GALNTL6: variants seen among roughly 807,000 people sequenced by gnomAD.
The protein encoded by GALNTL6 is polypeptide N-acetylgalactosaminyltransferase like 6, also known as polypeptide N-acetylgalactosaminyltransferase-like 6.
Under a neutral mutation model 73.7 loss-of-function variants are expected in GALNTL6, and 46 were observed. That is an observed-to-expected ratio of 0.62 (90% CI 0.49 to 0.80). GALNTL6 has a LOEUF of 0.80. Among genes scored for constraint, GALNTL6 ranks in the 30% least tolerant of loss-of-function variants. The pLI, the probability that GALNTL6 is intolerant of heterozygous loss-of-function variation, is 0.00. For synonymous variants in GALNTL6, 259 were observed against 263.7 expected (o/e 0.98, Z 0.17); for missense variants, 604 against 755.0 (o/e 0.80, Z 2.34).
In GALNTL6 at chr4:172,906,104, C is replaced by G. The variant is rs144687322; in HGVS notation, c.1041+23197C>G. 3.9e-3 allele frequency among the ~76,000 whole-genome samples: 600 copies of G among 152,182 alleles called. 5 individuals carry two copies. The highest frequency in any genetic ancestry group is 0.014 in the African/African-American group (566 of 41,536). On this transcript the variant is annotated intron_variant, in intron 8 of 12. Coordinates refer to ENST00000506823, the MANE Select transcript of GALNTL6 (RefSeq NM_001034845.3). ...ATGAGCTTGCTGGTGGCCAGAACTT[C>G]CCCTGGATGAGTTTGGCACAAAGGA...
intron 2 of GALNTL6, among the ~76,000 whole-genome samples, chr4:172,151,345 C>T (rs552840660): frequency 3.9e-5 from 6 of 151,998 alleles, no homozygotes; most frequent in Admixed American, 6.6e-5. Context: ...GATTTTTTTC[C>T]GTGATGGCAG....
chr4:172,661,305 C>T (rs1405876615), intron 5 of GALNTL6, among the ~76,000 whole-genome samples: 1 of 152,184 alleles, frequency 6.6e-6, no homozygotes, highest in Non-Finnish European at 1.5e-5. Flanking sequence ...CTGCAACTCA[C>T]CCCTGGGTCT....
chr4:172,905,602 C>G (rs1288233467), intron 8 of GALNTL6, among the ~76,000 whole-genome samples: 2 of 151,888 alleles, frequency 1.3e-5, no homozygotes, highest in African/African-American at 4.8e-5. Context: ...CAGAACTTCT[C>G]AAGAACAACA....
At chr4:172,200,723 A>G (rs1464767026) in intron 2 of GALNTL6, among the ~76,000 whole-genome samples, 1 of 152,252 alleles carries the variant, frequency 6.6e-6, no homozygotes, top group Non-Finnish European at 1.5e-5. Context: ...TTGTTTAGCC[A>G]GTGAACCATA....
intron 3 of GALNTL6, among the ~76,000 whole-genome samples, chr4:172,264,574 A>G (rs1380300615): frequency 8.6e-6 from 1 of 116,524 alleles, no homozygotes; most frequent in African/African-American, 3.8e-5. Context: ...ATATATATAT[A>G]TATATATATA....
At chr4:172,481,798 C>G (rs185439770) in intron 5 of GALNTL6, among the ~76,000 whole-genome samples, 1 of 152,344 alleles carries the variant, frequency 6.6e-6, no homozygotes, top group East Asian at 1.9e-4. Context: ...CAAGTCCCCA[C>G]CCAACTCAGG....
At chr4:172,265,796 T>C (rs1428852956) in intron 3 of GALNTL6, among the ~76,000 whole-genome samples, 1 of 152,096 alleles carries the variant, frequency 6.6e-6, no homozygotes, top group Non-Finnish European at 1.5e-5. Flanking sequence ...AACTATTATA[T>C]AGATTAATCA....
At chr4:172,320,504 T>G (rs1308031072) in intron 4 of GALNTL6, among the ~76,000 whole-genome samples, 2 of 152,058 alleles carry the variant, frequency 1.3e-5, no homozygotes, top group Non-Finnish European at 2.9e-5. Flanking sequence ...GAGATTGTGG[T>G]GAAAAGTAAT....
chr4:172,402,066 G>T (rs1744063114), intron 5 of GALNTL6, among the ~76,000 whole-genome samples: 1 of 151,810 alleles, frequency 6.6e-6, no homozygotes, highest in Admixed American at 6.6e-5. Flanking sequence ...TTCTTACTTA[G>T]TTTAATAAAA....
intron 2 of GALNTL6, among the ~76,000 whole-genome samples, chr4:172,206,991 G>C (rs972360777): frequency 4.6e-5 from 7 of 151,058 alleles, no homozygotes; most frequent in African/African-American, 1.7e-4. Context: ...CTAGTTTTTT[G>C]TATTTTTAGT....
rs553856136 is a variant in GALNTL6, at chr4:172,763,808, G to T, written c.554-45553G>T. On this transcript the variant is annotated intron_variant, in intron 5 of 12. Coordinates refer to ENST00000506823, the MANE Select transcript of GALNTL6 (RefSeq NM_001034845.3). ...TTTCATGTAGCCCTAGAATAAAAAT[G>T]AAGACCTAAGAATCGTGATCAATAC... Among the ~76,000 whole-genome samples the T allele has an allele frequency of 3.3e-5, 5 of 152,144 alleles. No homozygotes were observed. The South Asian group carries it at 1.0e-3, about 31-fold the overall frequency.
chr4:172,317,488 C>T (rs1406235297), intron 4 of GALNTL6, among the ~76,000 whole-genome samples: 1 of 151,896 alleles, frequency 6.6e-6, no homozygotes, highest in Non-Finnish European at 1.5e-5. Context: ...TTTTATTTTC[C>T]AGTTATATCA....
intron 5 of GALNTL6, among the ~76,000 whole-genome samples, chr4:172,474,903 A>T (rs1204425054): frequency 6.6e-6 from 1 of 152,208 alleles, no homozygotes; most frequent in Non-Finnish European, 1.5e-5. Flanking sequence ...TGCAAAACTT[A>T]TTGCCTCTAC....
intron 5 of GALNTL6, among the ~76,000 whole-genome samples, chr4:172,528,504 C>T (rs1445868765): frequency 6.6e-6 from 1 of 151,042 alleles, no homozygotes; most frequent in Non-Finnish European, 1.5e-5. Context: ...ACTACAGGCA[C>T]CTGCCACCAC....
chr4:172,624,860 C>G (rs1016884819), intron 5 of GALNTL6, among the ~76,000 whole-genome samples: 2 of 150,712 alleles, frequency 1.3e-5, no homozygotes, highest in African/African-American at 4.9e-5. Flanking sequence ...CAGTTTGTAA[C>G]CTGGGTATAT....
At position 171,928,581 on chromosome 4, in the gene GALNTL6, T is replaced by C. The variant is rs116562756; in HGVS notation, c.138+113863T>C. On this transcript the variant is annotated intron_variant, in intron 2 of 12. Coordinates refer to ENST00000506823, the MANE Select transcript of GALNTL6 (RefSeq NM_001034845.3). ...TCCCATATCCTGTTAACTTTCTCTT[T>C]CATATTTAAATTGTACAAAGGAAGT... Among the ~76,000 whole-genome samples the C allele has an allele frequency of 4.3e-3, 653 of 152,362 alleles. 9 individuals carry two copies. The highest frequency in any genetic ancestry group is 0.015 in the African/African-American group (621 of 41,580).
rs182512779 is a variant in GALNTL6 at position 172,669,435 on chromosome 4, C to T, written c.554-139926C>T. Among the ~76,000 whole-genome samples, 813 of 152,256 alleles carry T rather than the reference C, an allele frequency of 5.3e-3. 8 individuals carry two copies. The highest frequency in any genetic ancestry group is 0.018 in the African/African-American group (760 of 41,546). The stretch of plus-strand genomic sequence containing the variant: ...GAGGGCTCACTAGAATGGATTGGCC[C>T]TCCAATGACCCCAACAGTAGATGTT... On this transcript the variant is annotated intron_variant, in intron 5 of 12. Transcript: ENST00000506823.
chr4:172,951,239 T>G (rs542799288), intron 9 of GALNTL6, among the ~76,000 whole-genome samples: 78 of 152,354 alleles, frequency 5.1e-4, no homozygotes, highest in Non-Finnish European at 1.1e-3. Context: ...ACCCCCGTGA[T>G]GCAGGTATGT....
chr4:171,911,479 T>G (rs2110962805), intron 2 of GALNTL6, among the ~76,000 whole-genome samples: 1 of 152,302 alleles, frequency 6.6e-6, no homozygotes, highest in East Asian at 1.9e-4. Context: ...TGGAGTATCA[T>G]GAACTAAGAT....
Sources: gnomAD v4.1 joint callset for allele counts (sites outside exome capture counted in the v4.1 genomes callset) on GRCh38, gnomAD v4.1.1 for gene constraint, MANE v1.5 for transcripts, NCBI Gene and HGNC (gene_info 2026-07-23, HGNC 2026-07-21) for gene names.